Variants in DOK3 observed in about 807,000 individuals in gnomAD.
DOK3 encodes the protein docking protein 3.
In DOK3, 23 loss-of-function variants were observed where a neutral mutation model predicts 26.2. The observed-to-expected ratio is 0.88, with a 90% confidence interval of 0.63 to 1.24. The LOEUF is 1.24. Ranked by LOEUF, DOK3 falls within the 50% of genes most tolerant of loss-of-function variation. The pLI, the probability that DOK3 is intolerant of heterozygous loss-of-function variation, is 0.00. For synonymous variants in DOK3, 268 were observed against 268.2 expected, an observed-to-expected ratio of 1.00 and a Z score of 0.01; for missense variants, 619 against 610.6, an observed-to-expected ratio of 1.01 and a Z score of -0.15.
chr5:177,508,340 CG>C lies in DOK3; in HGVS notation c.268del (p.Arg90GlyfsTer87). Reference protein sequence around the residue: ...VLPADGESCPRDTGAFLLTTT... With the variant: ...VLPADGESCPXDTGAFLLTTT... ...GGTGAGCAGGAAGGCACCGGTGTCCCGGGGGCAGCTCTCGCCGTCAGCCGGC... is the reference window on the plus strand; with the variant it reads ...GGTGAGCAGGAAGGCACCGGTGTCCCGGGGCAGCTCTCGCCGTCAGCCGGC... On this transcript the variant is annotated frameshift_variant, in exon 3 of 6. Coordinates refer to ENST00000510898, the MANE Select transcript of DOK3 (RefSeq NM_001308236.3). LOFTEE classifies it high-confidence loss of function. The C allele has an allele frequency of 1.9e-6, 3 of 1,598,058 alleles. No individual in the cohort carries two copies. The highest frequency in any genetic ancestry group is 2.2e-5 in the East Asian group (1 of 44,602).
In DOK3 at chr5:177,504,224, G is replaced by A. The variant is rs61758440; in HGVS notation, c.1082C>T (p.Pro361Leu). 100 of 1,612,028 alleles carry A rather than the reference G, an allele frequency of 6.2e-5. No homozygotes were observed. The Middle Eastern group carries it at 6.6e-4, about 11-fold the overall frequency. The change falls in exon 6 of 6, where the codon CCG (proline) becomes CTG (leucine). Residue 361 changes from proline to leucine, a missense_variant. Pro to Leu is a moderately conservative substitution (Grantham distance 98, BLOSUM62 -3). Coordinates refer to ENST00000510898, the MANE Select transcript of DOK3 (RefSeq NM_001308236.3). ...SPTLHGGEPE[P>L]HEGPGSRSPT... is the part of the protein sequence containing the mutation. ...GCTGCGGCTGCCGGGGCCCTCGTGC[G>A]GCTCAGGTTCCCCACCGTGCAGCGT...
In DOK3 at chr5:177,502,985, C is replaced by A; in HGVS notation, c.*998G>T. The A allele has an allele frequency of 7.2e-7, 1 of 1,396,058 alleles. No homozygotes were observed. The highest frequency in any genetic ancestry group is 9.6e-7 in the Non-Finnish European group (1 of 1,037,306). 86.5% of individuals were successfully genotyped at this position (1,396,058 alleles called of 1,614,324 possible). On this transcript the variant is annotated 3_prime_UTR_variant, in exon 6 of 6. Coordinates refer to ENST00000510898, the MANE Select transcript of DOK3 (RefSeq NM_001308236.3). ...AAGTGAGCTGGAAGGAGGTGGCGGC[C>A]AGAGGATGAGGCTTGGACAGGAGAG...
At position 177,504,913 on chromosome 5, in the gene DOK3, C is replaced by T. The variant is rs748455167; in HGVS notation, c.475G>A (p.Gly159Ser). 1.1e-5 allele frequency: 18 copies of T among 1,585,012 alleles called. No individual in the cohort carries two copies. In the East Asian group the frequency reaches 3.8e-4, roughly 34 times the overall value. Residue 159 changes from glycine to serine, a missense_variant and splice_region_variant, in exon 5 of 6, where the codon GGC becomes AGC. Coordinates refer to ENST00000510898, the MANE Select transcript of DOK3 (RefSeq NM_001308236.3). ...CTCTGCACCACCACGGGAAACTCGC[C>T]CACTGTGGCAGGTGGCCAGGACAGC... ...NSIYSSWQEV[G>S]EFPVVVQRTE...
intron 3 of DOK3, among the ~76,000 whole-genome samples, chr5:177,507,105 C>T (rs544458051): frequency 6.6e-6 from 1 of 152,206 alleles, no homozygotes; most frequent in African/African-American, 2.4e-5. Context: ...CCACTTCTCC[C>T]TTCCTCCAGC....
Position 177,503,756 on chromosome 5 carries a change from G to C in DOK3, c.*227C>G, listed in dbSNP as rs1047542728. 7.8e-6 allele frequency: 11 copies of C among 1,418,068 alleles called. No individual in the cohort carries two copies. The highest frequency in any genetic ancestry group is 8.2e-6 in the Non-Finnish European group (9 of 1,091,556). The allele number at this position is 1,418,068 out of a possible 1,614,324, so 87.8% of individuals were successfully genotyped here. ...GAACGTGGGCAGGGGCGTGTGCCGTGAGTGCCCCTGCCGGGAGCTGCTCTG... is the reference window on the plus strand; with the variant it reads ...GAACGTGGGCAGGGGCGTGTGCCGTCAGTGCCCCTGCCGGGAGCTGCTCTG... On this transcript the variant is annotated 3_prime_UTR_variant, in exon 6 of 6. Coordinates refer to ENST00000510898, the MANE Select transcript of DOK3 (RefSeq NM_001308236.3).
Position 177,503,978 on chromosome 5 carries a change from G to A in DOK3, c.*5C>T. 2 of 1,537,732 alleles carry A rather than the reference G, an allele frequency of 1.3e-6. No individual in the cohort carries two copies. Among genetic ancestry groups the A allele is most frequent in the Non-Finnish European group, 1.8e-6 (2 of 1,142,046 alleles). ...CTCCCCTCTGGCCACCACTCTGCTG[G>A]GCGTTCAGGGCCGGTCACAAGGGGC... On this transcript the variant is annotated 3_prime_UTR_variant, in exon 6 of 6. Coordinates refer to ENST00000510898, the MANE Select transcript of DOK3 (RefSeq NM_001308236.3).
Position 177,504,675 on chromosome 5 carries a change from C to G in DOK3, c.646-15G>C. ...GAGAACACGCCCTGGGCACAGGGCA[C>G]ACGGGTGGGGATTAGCAGGAGGGTC... On this transcript the variant is annotated splice_polypyrimidine_tract_variant and intron_variant, in intron 5 of 5. Transcript: ENST00000510898. 1 of 1,613,500 alleles carries G rather than the reference C, an allele frequency of 6.2e-7. No individual in the cohort carries two copies. The highest frequency in any genetic ancestry group is 8.5e-7 in the Non-Finnish European group (1 of 1,179,876).
chr5:177,509,317 G>T, intron 2 of DOK3, 158 bp downstream of exon 2: 2 of 915,226 alleles, frequency 2.2e-6, no homozygotes, highest in Non-Finnish European at 3.2e-6. Flanking sequence ...GCTGACACCC[G>T]CACTCCATTC....
chr5:177,509,914 T>A, upstream of DOK3: 2 of 1,592,318 alleles, frequency 1.3e-6, no homozygotes, highest in Non-Finnish European at 1.7e-6. Context: ...TGACACTCCC[T>A]GGCCCTGCCT....
chr5:177,510,743 G>A (rs1760865123), upstream of DOK3, among the ~76,000 whole-genome samples: 1 of 152,226 alleles, frequency 6.6e-6, no homozygotes, highest in African/African-American at 2.4e-5. Context: ...CGTTCTCATC[G>A]CCATTTCAAC....
At position 177,503,730 on chromosome 5, in the gene DOK3, T is replaced by C; in HGVS notation, c.*253A>G. ...CACAGGGTGCTTGTGTTGGCCGCAA[T>C]GAACGTGGGCAGGGGCGTGTGCCGT... On this transcript the variant is annotated 3_prime_UTR_variant, in exon 6 of 6. Transcript: ENST00000510898. The C allele has an allele frequency of 7.1e-7, 1 of 1,406,072 alleles. No individual in the cohort carries two copies. Among genetic ancestry groups the C allele is most frequent in the Non-Finnish European group, 9.2e-7 (1 of 1,085,006 alleles). 87.1% of individuals were successfully genotyped at this position (1,406,072 alleles called of 1,614,324 possible).
Position 177,503,300 on chromosome 5 carries a change from C to T in DOK3, c.*683G>A. On this transcript the variant is annotated 3_prime_UTR_variant, in exon 6 of 6. Transcript: ENST00000510898. ...CAGCGCCTGGCACTGAGTAGGCACG[C>T]AGCAAACTCTCATCAAGGATTATGC... The T allele has an allele frequency of 1.3e-6, 2 of 1,550,758 alleles. No homozygotes were observed. The highest frequency in any genetic ancestry group is 1.7e-6 in the Non-Finnish European group (2 of 1,146,082).
At chr5:177,509,934 A>G, upstream of DOK3, 4 of 1,557,974 alleles carry the variant, frequency 2.6e-6, no homozygotes, top group Non-Finnish European at 3.5e-6. Flanking sequence ...TCCACCCAGG[A>G]CCCTTCTCTA....
rs1759470680 is a variant in DOK3 at position 177,502,671 on chromosome 5, C to A, written c.*1312G>T. 1 of 198,188 alleles carries A rather than the reference C, an allele frequency of 5.0e-6. No homozygotes were observed. The highest frequency in any genetic ancestry group is 1.5e-4 in the South Asian group (1 of 6,854). 12.3% of individuals were successfully genotyped at this position (198,188 alleles called of 1,614,324 possible). ...GGAGAAAAGCTGCCCTACTAGGGAA[C>A]AGGGTCTCTTGTGGCAGGGAGTGCC... On this transcript the variant is annotated 3_prime_UTR_variant, in exon 6 of 6. Coordinates refer to ENST00000510898, the MANE Select transcript of DOK3 (RefSeq NM_001308236.3).
intron 3 of DOK3, among the ~76,000 whole-genome samples, chr5:177,506,677 TTTCTTTTC>T (rs1426723591): frequency 2.3e-5 from 3 of 130,846 alleles, no homozygotes; most frequent in Non-Finnish European, 4.6e-5. Context: ...TGCTCTTTTT[TTTCTTTTC>T]TTTTTTTTTT....
Position 177,503,519 on chromosome 5 carries a change from C to T in DOK3, c.*464G>A. 1.4e-6 allele frequency: 2 copies of T among 1,429,982 alleles called. No individual in the cohort carries two copies. The highest frequency in any genetic ancestry group is 2.9e-5 in the African/African-American group (2 of 69,696). 88.6% of individuals were successfully genotyped at this position (1,429,982 alleles called of 1,614,324 possible). A position where few individuals can be genotyped will look rare whatever the true frequency, so the allele number is the denominator to read the frequency against. ...CGGGCCTCCGGGTCTCCAGTTGGGC[C>T]CTCATGTTGCTCCTTCCTGAGTCTG... On this transcript the variant is annotated 3_prime_UTR_variant, in exon 6 of 6. Coordinates refer to ENST00000510898, the MANE Select transcript of DOK3 (RefSeq NM_001308236.3).
upstream of DOK3, chr5:177,510,434 C>T (rs1760848166): frequency 6.5e-6 from 1 of 153,740 alleles, no homozygotes; most frequent in African/African-American, 2.4e-5. Context: ...GTGGCAGGTC[C>T]CAGGGGGCCC....
rs564983103 is a variant in DOK3, at chr5:177,503,395, G to A, written c.*588C>T. 4 of 1,533,088 alleles carry A rather than the reference G, an allele frequency of 2.6e-6. No homozygotes were observed. In the African/African-American group the frequency reaches 5.5e-5, roughly 21 times the overall value. 95.0% of individuals were successfully genotyped at this position (1,533,088 alleles called of 1,614,324 possible). A position where few individuals can be genotyped will look rare whatever the true frequency, so the allele number is the denominator to read the frequency against. The stretch of plus-strand genomic sequence containing the variant: ...ACGCCTGGGGTTCCCAGAAGTATCT[G>A]CAAATTGTTGGAGTTTCAGCAGGGA... On this transcript the variant is annotated 3_prime_UTR_variant, in exon 6 of 6. Coordinates refer to ENST00000510898, the MANE Select transcript of DOK3 (RefSeq NM_001308236.3).
At chr5:177,508,671 GC>G in intron 2 of DOK3, 129 bp from the exon 3 acceptor site, 1 of 1,101,220 alleles carries the variant, frequency 9.1e-7, no homozygotes, top group Non-Finnish European at 1.2e-6. Context: ...TTCTCAGGGA[GC>G]CAGGTAAGGA....
Sources: gnomAD v4.1 joint callset for allele counts (sites outside exome capture counted in the v4.1 genomes callset) on GRCh38, gnomAD v4.1.1 for gene constraint, MANE v1.5 for transcripts, NCBI Gene and HGNC (gene_info 2026-07-23, HGNC 2026-07-21) for gene names.